MACROD2: variants seen among roughly 807,000 people sequenced by gnomAD.
The protein encoded by MACROD2 is ADP-ribose glycohydrolase MACROD2.
MACROD2 carries 36 observed loss-of-function variants against 70.4 expected under a neutral mutation model. The observed-to-expected ratio is 0.51, with a 90% CI of 0.39 to 0.68. The LOEUF (loss-of-function observed/expected upper bound fraction) is 0.68. Among genes scored for constraint, MACROD2 ranks in the 30% least tolerant of loss-of-function variants. MACROD2 has a pLI of 0.00. For synonymous variants in MACROD2, 172 were observed against 178.8 expected (o/e 0.96, Z 0.30); for missense variants, 496 against 538.4 (o/e 0.92, Z 0.78).
chr20:15,269,794 C>T (rs2077329696), intron 6 of MACROD2, among the ~76,000 whole-genome samples: 1 of 152,128 alleles, frequency 6.6e-6, no homozygotes, highest in South Asian at 2.1e-4. Flanking sequence ...TTTGTTTTCA[C>T]TTAGTGTCCC....
chr20:14,726,641 A>G (rs1319673386), intron 5 of MACROD2, among the ~76,000 whole-genome samples: 2 of 152,208 alleles, frequency 1.3e-5, no homozygotes, highest in African/African-American at 2.4e-5. Context: ...TATCGTCAAA[A>G]CAACACTATG....
intron 5 of MACROD2, among the ~76,000 whole-genome samples, chr20:14,793,061 G>C (rs1161532560): frequency 6.6e-6 from 1 of 152,026 alleles, no homozygotes; most frequent in Non-Finnish European, 1.5e-5. Flanking sequence ...AGGTAAATAA[G>C]AGGAAACAGC....
At chr20:15,563,821 C>G (rs141632591) in intron 8 of MACROD2, among the ~76,000 whole-genome samples, 19 of 152,252 alleles carry the variant, frequency 1.2e-4, no homozygotes, top group African/African-American at 4.3e-4. Context: ...GCAGAGGAAA[C>G]AAAATGATCA....
intron 10 of MACROD2, among the ~76,000 whole-genome samples, chr20:15,909,750 C>G (rs1003442311): frequency 1.3e-5 from 2 of 152,002 alleles, no homozygotes; most frequent in South Asian, 2.1e-4. Context: ...GTCTCGATCT[C>G]CTGACCTCGT....
chr20:15,811,166 G>A (rs1439904056), intron 8 of MACROD2, among the ~76,000 whole-genome samples: 2 of 152,094 alleles, frequency 1.3e-5, no homozygotes, highest in East Asian at 3.9e-4. Flanking sequence ...CAAAATGGGA[G>A]AAAATTTTCA....
chr20:14,962,565 G>A (rs1186793959), intron 5 of MACROD2, among the ~76,000 whole-genome samples: 1 of 149,876 alleles, frequency 6.7e-6, no homozygotes, highest in Non-Finnish European at 1.5e-5. Flanking sequence ...CTATATATAT[G>A]TGTATGAAAA....
chr20:15,678,422 T>TGC (rs2050105542), intron 8 of MACROD2, among the ~76,000 whole-genome samples: 1 of 151,298 alleles, frequency 6.6e-6, no homozygotes, highest in Non-Finnish European at 1.5e-5. Flanking sequence ...TGCAGTGGCA[T>TGC]GATCTCGGCT....
At chr20:15,594,378 A>G (rs565677387) in intron 8 of MACROD2, among the ~76,000 whole-genome samples, 16 of 152,036 alleles carry the variant, frequency 1.1e-4, no homozygotes, top group African/African-American at 2.7e-4. Flanking sequence ...AGCCACTTCA[A>G]TTGGCTCCAG....
intron 5 of MACROD2, among the ~76,000 whole-genome samples, chr20:15,089,426 T>C (rs2075776681): frequency 6.6e-6 from 1 of 152,120 alleles, no homozygotes; most frequent in African/African-American, 2.4e-5. Context: ...TCAGCAGCAC[T>C]GATTGTACCA....
chr20:15,722,473 A>C (rs1439223327), intron 8 of MACROD2, among the ~76,000 whole-genome samples: 1 of 152,114 alleles, frequency 6.6e-6, no homozygotes, highest in Non-Finnish European at 1.5e-5. Flanking sequence ...ATTACTACTG[A>C]GTTTGAGCAT....
intron 5 of MACROD2, among the ~76,000 whole-genome samples, chr20:15,227,699 G>A (rs1309933053): frequency 6.6e-6 from 1 of 152,020 alleles, no homozygotes. Flanking sequence ...GGTTTCAATC[G>A]TCAACTGTAT....
intron 8 of MACROD2, among the ~76,000 whole-genome samples, chr20:15,735,717 A>G (rs1234398663): frequency 6.6e-6 from 1 of 152,140 alleles, no homozygotes; most frequent in Admixed American, 6.6e-5. Context: ...ATCTTTGACT[A>G]TATATTTGTT....
At chr20:15,211,152 G>A (rs904565295) in intron 5 of MACROD2, among the ~76,000 whole-genome samples, 5 of 152,090 alleles carry the variant, frequency 3.3e-5, no homozygotes, top group Non-Finnish European at 7.4e-5. Flanking sequence ...TGCCTCTGTG[G>A]ATTTGCCTAT....
chr20:14,850,091 C>A, intron 5 of MACROD2: 1 of 452,194 alleles, frequency 2.2e-6, no homozygotes, highest in Non-Finnish European at 4.4e-6. Flanking sequence ...GCCAAAATAA[C>A]GTAGGATGGA....
intron 5 of MACROD2, among the ~76,000 whole-genome samples, chr20:15,108,114 G>A (rs1219750604): frequency 2.6e-5 from 4 of 151,842 alleles, no homozygotes; most frequent in African/African-American, 9.7e-5. Context: ...TAATTCTGCT[G>A]CCTCCCTTCT....
At chr20:14,312,427 T>C (rs975713550) in intron 3 of MACROD2, among the ~76,000 whole-genome samples, 1 of 152,234 alleles carries the variant, frequency 6.6e-6, no homozygotes, top group Non-Finnish European at 1.5e-5. Context: ...CTCTCCTACT[T>C]TCTTTAAATT....
chr20:14,721,764 T>C (rs2071472758), intron 5 of MACROD2, among the ~76,000 whole-genome samples: 1 of 152,204 alleles, frequency 6.6e-6, no homozygotes, highest in African/African-American at 2.4e-5. Context: ...AGATGAAAGT[T>C]ACCTTCCCAA....
intron 3 of MACROD2, among the ~76,000 whole-genome samples, chr20:14,361,888 C>G (rs1387495238): frequency 2.0e-5 from 3 of 152,152 alleles, no homozygotes; most frequent in African/African-American, 7.2e-5. Context: ...TCTGTTTTGC[C>G]CATAGCTCAC....
intron 5 of MACROD2, among the ~76,000 whole-genome samples, chr20:14,880,337 A>G (rs1350117708): frequency 6.6e-6 from 1 of 152,202 alleles, no homozygotes; most frequent in Non-Finnish European, 1.5e-5. Context: ...TCAAAGAGCA[A>G]CATTTGTTTT....
Sources: allele counts gnomAD v4.1 joint callset (sites outside exome capture counted in the v4.1 genomes callset), GRCh38; gene constraint gnomAD v4.1.1; transcripts MANE v1.5; gene names NCBI Gene and HGNC (gene_info 2026-07-23, HGNC 2026-07-21).